Variants in TTC3 observed in about 807,000 individuals in gnomAD.
TTC3 encodes the protein tetratricopeptide repeat domain 3, also known as E3 ubiquitin-protein ligase TTC3.
TTC3 carries 180 observed loss-of-function variants against 249.6 expected under a neutral mutation model. That is an observed-to-expected ratio of 0.72 (90% CI 0.64 to 0.82). The LOEUF (loss-of-function observed/expected upper bound fraction) is 0.82, where lower values mean the gene tolerates loss of function less well. TTC3 is among the 40% of genes least tolerant of loss of function. The pLI, the probability that TTC3 is intolerant of heterozygous loss-of-function variation, is 0.00. For synonymous variants in TTC3, 717 were observed against 805.0 expected (o/e 0.89, Z 1.85); for missense variants, 2,061 against 2,398.4 (o/e 0.86, Z 2.94).
chr21:37,124,607 T>TC lies in TTC3; in HGVS notation c.1110-7dup. On this transcript the variant is annotated splice_polypyrimidine_tract_variant and intron_variant, in intron 13 of 45. Coordinates refer to ENST00000355666, the Ensembl canonical transcript of TTC3. ...AAAAAATGTATAATAATTCCTTTTT[T>TC]CCCCCACTTAGGGCCTACACACCTA... The TC allele has an allele frequency of 6.2e-7, 1 of 1,605,154 alleles. No individual in the cohort carries two copies.
chr21:37,150,149 TG>T lies in TTC3; in HGVS notation c.2192del (p.Gly731ValfsTer13), dbSNP rs1351492706. On this transcript the variant is annotated frameshift_variant, in exon 24 of 46. Transcript: ENST00000355666. LOFTEE classifies it high-confidence loss of function. ...TTTCTAAGATTATCATCTTCAGCAG[TG>T]GTGGTGAAGTTAAATGTGAAGTAAG... The T allele has an allele frequency of 2.5e-6, 4 of 1,612,778 alleles. No homozygotes were observed. Among genetic ancestry groups the T allele is most frequent in the Non-Finnish European group, 2.5e-6 (3 of 1,179,290 alleles).
chr21:37,201,361 A>C, intron 45 of TTC3, 79 bp from the exon 46 acceptor site: 2 of 1,595,422 alleles, frequency 1.3e-6, no homozygotes, highest in Non-Finnish European at 1.7e-6. Flanking sequence ...CACGCCTGCC[A>C]AGGAGCCCAG....
At chr21:37,192,313 T>C (rs1046342701) in intron 41 of TTC3, 100 bp downstream of exon 41, 7 of 738,732 alleles carry the variant, frequency 9.5e-6, no homozygotes, top group Middle Eastern at 2.4e-4. Context: ...GAGGATGAGA[T>C]TGGTTAATAA....
chr21:37,200,821 C>T (rs2085419470), intron 45 of TTC3, among the ~76,000 whole-genome samples: 1 of 152,068 alleles, frequency 6.6e-6, no homozygotes, highest in Non-Finnish European at 1.5e-5. Flanking sequence ...TTGTGTGCAC[C>T]CCTGCTGCTG....
intron 16 of TTC3, among the ~76,000 whole-genome samples, chr21:37,130,629 C>T (rs1226020484): frequency 1.3e-5 from 2 of 152,176 alleles, no homozygotes; most frequent in East Asian, 1.9e-4. Flanking sequence ...TTGTCTTTTA[C>T]AAAATATCTT....
chr21:37,076,783 A>G (rs953435289), intron 1 of TTC3, among the ~76,000 whole-genome samples: 1 of 141,894 alleles, frequency 7.0e-6, no homozygotes, highest in African/African-American at 2.7e-5. Flanking sequence ...GCTCACTGCA[A>G]CCTCTGCCTC....
intron 28 of TTC3, chr21:37,158,271 A>C: frequency 1.1e-6 from 1 of 939,044 alleles, no homozygotes; most frequent in Non-Finnish European, 1.3e-6. Context: ...AAAACAAGAC[A>C]ACTAAAAAGG....
intron 36 of TTC3, among the ~76,000 whole-genome samples, chr21:37,184,626 T>C (rs2083064358): frequency 7.8e-6 from 1 of 128,268 alleles, no homozygotes; most frequent in Non-Finnish European, 1.6e-5. Context: ...GACTAATTTT[T>C]CTATTTTTTT....
rs572994003 is a variant in TTC3, at chr21:37,185,431, T to G, written c.4758-275T>G. Among the ~76,000 whole-genome samples the G allele has an allele frequency of 1.5e-3, 224 of 152,284 alleles. 2 individuals are homozygous for G. The highest frequency in any genetic ancestry group is 4.9e-3 in the African/African-American group (205 of 41,552). On this transcript the variant is annotated intron_variant, in intron 36 of 45. Transcript: ENST00000355666. ...TGCCGCAGTACCTGTGTTCTCTGCT[T>G]GAGCTGCACATCTTAGACTGAGATA...
At chr21:37,148,614 A>T in exon 23 of TTC3, 1 of 1,605,276 alleles carries the variant, frequency 6.2e-7, no homozygotes, top group African/African-American at 1.3e-5. Flanking sequence ...GGAAGAAGTT[A>T]AAAACTACAA....
In TTC3 at chr21:37,122,981, A is replaced by G. The variant is rs140112594; in HGVS notation, c.1064-2A>G. 5 of 1,613,392 alleles carry G rather than the reference A, an allele frequency of 3.1e-6. No homozygotes were observed. In the African/African-American group the frequency reaches 6.7e-5, roughly 22 times the overall value. On this transcript the variant is annotated splice_acceptor_variant, in intron 12 of 45. Coordinates refer to ENST00000355666, the Ensembl canonical transcript of TTC3. LOFTEE classifies it high-confidence loss of function. ...TGTGTGTGTGTGTGATGACTTTTAT[A>G]GGTCGAACAGCAAATAAGGATCCAA...
intron 11 of TTC3, 31 bp from the exon 12 acceptor site, chr21:37,121,785 GA>G: frequency 6.6e-7 from 1 of 1,515,672 alleles, no homozygotes; most frequent in Non-Finnish European, 8.8e-7. Flanking sequence ...GCATATTTTT[GA>G]GAAAAAATTA....
At chr21:37,157,160 G>A (rs754015388) in intron 28 of TTC3, 33 of 1,399,062 alleles carry the variant, frequency 2.4e-5, no homozygotes, top group Non-Finnish European at 3.0e-5. Context: ...TCCCGTCTTA[G>A]ATATTTTCAC....
chr21:37,129,912 T>C (rs1190340992), intron 16 of TTC3, among the ~76,000 whole-genome samples: 2 of 152,262 alleles, frequency 1.3e-5, no homozygotes, highest in Non-Finnish European at 2.9e-5. Context: ...CCCAGAGTGC[T>C]GGGATTGCAG....
intron 12 of TTC3, 150 bp from the exon 13 acceptor site, chr21:37,122,833 A>C (rs1157594149): frequency 1.3e-6 from 1 of 760,240 alleles, no homozygotes; most frequent in African/African-American, 1.8e-5. Flanking sequence ...AACTAAAGAC[A>C]TCTAGAAATG....
At chr21:37,167,874 A>AT in intron 34 of TTC3, among the ~76,000 whole-genome samples, 2 of 151,874 alleles carry the variant, frequency 1.3e-5, no homozygotes, top group South Asian at 4.1e-4. Context: ...TATTTTTAAA[A>AT]TTTTATTTAT....
intron 35 of TTC3, among the ~76,000 whole-genome samples, chr21:37,181,937 A>C (rs1439477327): frequency 6.6e-6 from 1 of 151,430 alleles, no homozygotes; most frequent in Admixed American, 6.7e-5. Context: ...TAGGAAGTAA[A>C]AAATTAAAAG....
intron 10 of TTC3, chr21:37,096,888 C>T (rs2073999663): frequency 2.9e-6 from 1 of 339,238 alleles, no homozygotes; most frequent in African/African-American, 2.1e-5. Context: ...TTATTTGGTT[C>T]TCACAGCACC....
exon 46 of TTC3, chr21:37,201,819 C>T: frequency 3.8e-6 from 2 of 520,946 alleles, no homozygotes; most frequent in Non-Finnish European, 6.6e-6. Flanking sequence ...TGGGGCTGCG[C>T]AGGGCTCTTT....
Sources: allele counts gnomAD v4.1 joint callset (sites outside exome capture counted in the v4.1 genomes callset), GRCh38; gene constraint gnomAD v4.1.1; transcripts MANE v1.5; gene names NCBI Gene and HGNC (gene_info 2026-07-23, HGNC 2026-07-21).